LGI2: variants seen among roughly 807,000 people sequenced by gnomAD.
LGI2 encodes leucine rich repeat LGI family member 2, also known as leucine-rich repeat LGI family member 2.
LGI2 carries 30 observed loss-of-function variants against 52.0 expected under a neutral mutation model. The ratio of observed to expected loss-of-function variants is 0.58; its 90% CI spans 0.43 to 0.78. The LOEUF (loss-of-function observed/expected upper bound fraction) is 0.78, where lower values mean the gene tolerates loss of function less well. Ranked by LOEUF, LGI2 falls within the 30% of genes least tolerant of loss-of-function variation. LGI2 has a pLI of 0.00. For synonymous variants in LGI2, 270 were observed against 271.8 expected (o/e 0.99, Z 0.06); for missense variants, 573 against 692.5 (o/e 0.83, Z 1.94).
rs1323169868 is a variant in LGI2, at chr4:25,001,294, A to T, written c.*2157T>A. 1 of 152,260 alleles carries T rather than the reference A, an allele frequency of 6.6e-6. No individual in the cohort carries two copies. Among genetic ancestry groups the T allele is most frequent in the Non-Finnish European group, 1.5e-5 (1 of 68,076 alleles). The allele number at this position is 152,260 out of a possible 1,614,324, so 9.4% of individuals were successfully genotyped here. A position where few individuals can be genotyped will look rare whatever the true frequency, so the allele number is the denominator to read the frequency against. Reference sequence around the variant, plus strand: ...TGTGATACCTCTCTGCAGTAGCAACACTGTGAAAAGATGCCACCTTGCCAT... The same window carrying T: ...TGTGATACCTCTCTGCAGTAGCAACTCTGTGAAAAGATGCCACCTTGCCAT... On this transcript the variant is annotated 3_prime_UTR_variant, in exon 8 of 8. Transcript: ENST00000382114.
rs751495951 is a variant in LGI2, at chr4:25,026,924, G to T, written c.285C>A (p.Asn95Lys). The T allele has an allele frequency of 1.9e-6, 3 of 1,613,190 alleles. No individual in the cohort carries two copies. The Admixed American group carries it at 5.0e-5, about 27-fold the overall frequency. The change falls in exon 3 of 8, where the codon AAC becomes AAA. Residue 95 changes from asparagine (N) to lysine (K), a missense_variant. Physicochemically the swap from Asn to Lys is moderately conservative, Grantham distance 94 (BLOSUM62 0). Coordinates refer to ENST00000382114, the MANE Select transcript of LGI2 (RefSeq NM_018176.4). ...CATCATCCCGGATGATCGTGAATGA[G>T]TTAGAATTCAGCAATCTGAAAGTAA... Reference protein sequence around the residue: ...PSLQLLLLNSNSFTIIRDDAF... With the variant: ...PSLQLLLLNSKSFTIIRDDAF...
the LGI2 span, among the ~76,000 whole-genome samples, chr4:24,993,114 T>C: frequency 1.3e-5 from 2 of 152,186 alleles, no homozygotes; most frequent in Non-Finnish European, 2.9e-5. Context: ...TCACAGAATT[T>C]GTGAGGACCA....
intron 4 of LGI2, among the ~76,000 whole-genome samples, chr4:25,022,195 A>G (rs1392723373): frequency 1.3e-5 from 2 of 152,224 alleles, no homozygotes; most frequent in Non-Finnish European, 2.9e-5. Flanking sequence ...TGTAGACAGT[A>G]AAGTGCTGGC....
In LGI2 at chr4:25,000,649, G is replaced by C. The variant is rs1345679149; in HGVS notation, c.*2802C>G. The C allele has an allele frequency of 6.6e-6, 1 of 152,250 alleles. No homozygotes were observed. The highest frequency in any genetic ancestry group is 1.9e-4 in the East Asian group (1 of 5,198). The allele number at this position is 152,250 out of a possible 1,614,324, so 9.4% of individuals were successfully genotyped here. ...TGGCCGCACAGAGGGATCAGTCCAGGAGCCTCGCCACAAAGTTCATAAAGA... is the reference window on the plus strand; with the variant it reads ...TGGCCGCACAGAGGGATCAGTCCAGCAGCCTCGCCACAAAGTTCATAAAGA... On this transcript the variant is annotated 3_prime_UTR_variant, in exon 8 of 8. Coordinates refer to ENST00000382114, the MANE Select transcript of LGI2 (RefSeq NM_018176.4).
At chr4:24,993,887 C>T (rs897715666), downstream of LGI2, among the ~76,000 whole-genome samples, 6 of 152,202 alleles carry the variant, frequency 3.9e-5, no homozygotes, top group Middle Eastern at 3.4e-3. Flanking sequence ...ATGTGCAGAA[C>T]GTAAATGCAG....
At position 25,009,566 on chromosome 4, in the gene LGI2, A is replaced by G. The variant is rs141857233; in HGVS notation, c.820+2769T>C. Among the ~76,000 whole-genome samples, 1,387 of 152,258 alleles carry G rather than the reference A, an allele frequency of 9.1e-3. 22 individuals are homozygous for G. Among genetic ancestry groups the G allele is most frequent in the African/African-American group, 0.032 (1,323 of 41,536 alleles). ...AATTATTTTTACAATAATTATTACAATACGAATATTCTTTCTTATTGTCTC... is the reference window on the plus strand; with the variant it reads ...AATTATTTTTACAATAATTATTACAGTACGAATATTCTTTCTTATTGTCTC... On this transcript the variant is annotated intron_variant, in intron 7 of 7. Coordinates refer to ENST00000382114, the MANE Select transcript of LGI2 (RefSeq NM_018176.4).
rs1431952368 is a variant in LGI2, at chr4:25,012,452, T to C, written c.703A>G (p.Thr235Ala). 1 of 1,614,236 alleles carries C rather than the reference T, an allele frequency of 6.2e-7. No individual in the cohort carries two copies. Among genetic ancestry groups the C allele is most frequent in the East Asian group, 2.2e-5 (1 of 44,890 alleles). ...TACACATCGTTCTTGGAGTTGAACG[T>C]ATCCACTGAAACCGACTGGTAGGGT... ...TLPYQSVSVD[T>A]FNSKNDVYVA... Residue 235 changes from threonine to alanine, a missense_variant, in exon 7 of 8, where the codon ACG becomes GCG. Transcript: ENST00000382114.
chr4:25,019,031 C>A, intron 5 of LGI2, 136 bp downstream of exon 5: 1 of 683,408 alleles, frequency 1.5e-6, no homozygotes, highest in Non-Finnish European at 2.6e-6. Context: ...TGCTATTTCC[C>A]AGGATGCACT....
chr4:25,025,030 C>A (rs1201626408), intron 3 of LGI2, 139 bp from the exon 4 acceptor site: 7 of 585,786 alleles, frequency 1.2e-5, no homozygotes, highest in Non-Finnish European at 2.0e-5. Flanking sequence ...AGGTCAGCTA[C>A]ACCAAATTCC....
chr4:25,026,210 G>C (rs1031627254), intron 3 of LGI2, among the ~76,000 whole-genome samples: 1 of 151,632 alleles, frequency 6.6e-6, no homozygotes, highest in Non-Finnish European at 1.5e-5. Flanking sequence ...CCATCTGATA[G>C]CAGGATTAAC....
intron 6 of LGI2, among the ~76,000 whole-genome samples, chr4:25,014,105 G>A (rs1411991108): frequency 6.6e-6 from 1 of 152,152 alleles, no homozygotes; most frequent in Non-Finnish European, 1.5e-5. Flanking sequence ...ATCTCCGGTT[G>A]CATTCGACTA....
chr4:25,030,614 C>G lies in LGI2; in HGVS notation c.80G>C (p.Ser27Thr). 1 of 1,559,338 alleles carries G rather than the reference C, an allele frequency of 6.4e-7. No homozygotes were observed. Among genetic ancestry groups the G allele is most frequent in the Non-Finnish European group, 8.7e-7 (1 of 1,153,228 alleles). The change falls in exon 1 of 8, where the codon AGC becomes ACC. Residue 27 changes from serine to threonine, a missense_variant. Ser to Thr is a moderately conservative substitution (Grantham distance 58). Coordinates refer to ENST00000382114, the MANE Select transcript of LGI2 (RefSeq NM_018176.4). ...LLGAACLIPRSAQVRRLARCP... is the reference protein window; with the variant it reads ...LLGAACLIPRTAQVRRLARCP... Reference sequence around the variant, plus strand: ...GCGCGCCAGCCGCCTCACCTGCGCGCTCCGCGGTATCAGGCACGCGGCGCC... The same window carrying G: ...GCGCGCCAGCCGCCTCACCTGCGCGGTCCGCGGTATCAGGCACGCGGCGCC...
In LGI2 at chr4:25,008,805, T is replaced by C. The variant is rs573348369; in HGVS notation, c.820+3530A>G. ...AAAGAGGAGCCGGGTGGGCTTCATG[T>C]CATGCCGCCAAGCTGTGGGATGATT... On this transcript the variant is annotated intron_variant, in intron 7 of 7. Transcript: ENST00000382114. Among the ~76,000 whole-genome samples, 8 of 152,244 alleles carry C rather than the reference T, an allele frequency of 5.3e-5. No individual in the cohort carries two copies. The East Asian group carries it at 1.5e-3, about 29-fold the overall frequency.
At chr4:25,009,362 C>A (rs181227349) in intron 7 of LGI2, among the ~76,000 whole-genome samples, 1 of 152,254 alleles carries the variant, frequency 6.6e-6, no homozygotes, top group African/African-American at 2.4e-5. Context: ...CCTCTCCATG[C>A]GAACCAATCC....
intron 4 of LGI2, 48 bp from the exon 5 acceptor site, chr4:25,019,286 G>T: frequency 8.0e-7 from 1 of 1,250,566 alleles, no homozygotes; most frequent in Non-Finnish European, 1.2e-6. Context: ...CTCATGCCCT[G>T]TCACTCTCAA....
At chr4:25,019,116 A>C in intron 5 of LGI2, 51 bp downstream of exon 5, 1 of 1,123,892 alleles carries the variant, frequency 8.9e-7, no homozygotes, top group Non-Finnish European at 1.4e-6. Flanking sequence ...GAAAGACATG[A>C]TTAACTGGGG....
rs1230791778 is a variant in LGI2, at chr4:24,999,507, C to T, written c.*3944G>A. The T allele has an allele frequency of 9.1e-6, 2 of 219,842 alleles. No homozygotes were observed. Among genetic ancestry groups the T allele is most frequent in the Non-Finnish European group, 9.1e-6 (1 of 110,316 alleles). The allele number at this position is 219,842 out of a possible 1,614,324, so 13.6% of individuals were successfully genotyped here. A position where few individuals can be genotyped will look rare whatever the true frequency, so the allele number is the denominator to read the frequency against. ...GATTATTGTATTCCACTCCAGGAAG[C>T]TGTTGAACAGAATCTTTGGCCGCTG... is the stretch of plus-strand genomic sequence containing the variant. On this transcript the variant is annotated 3_prime_UTR_variant, in exon 8 of 8. Transcript: ENST00000382114.
chr4:25,018,609 T>A (rs6856435), intron 5 of LGI2, among the ~76,000 whole-genome samples: 57,777 of 151,992 alleles, frequency 0.38, 13,985 homozygotes, highest in East Asian at 0.69. Flanking sequence ...TGCCTGTAAT[T>A]CTAGCACTTT....
At chr4:24,992,615 G>A in the LGI2 span, among the ~76,000 whole-genome samples, 139 of 152,046 alleles carry the variant, frequency 9.1e-4, no homozygotes, top group African/African-American at 3.0e-3. Flanking sequence ...CTCAGGAGGC[G>A]GAGGTTGCAG....
Sources: gnomAD v4.1 joint callset for allele counts (sites outside exome capture counted in the v4.1 genomes callset) on GRCh38, gnomAD v4.1.1 for gene constraint, MANE v1.5 for transcripts, NCBI Gene and HGNC (gene_info 2026-07-23, HGNC 2026-07-21) for gene names.